The following LRGUK variants were observed in gnomAD, a reference collection of about 807,000 sequenced individuals.
LRGUK encodes the protein leucine rich repeats and guanylate kinase domain containing.
Under a neutral mutation model 76.0 loss-of-function variants are expected in LRGUK, and 65 were observed. The observed-to-expected ratio is 0.85, with a 90% CI of 0.70 to 1.05. The LOEUF (loss-of-function observed/expected upper bound fraction) is 1.05, where lower values mean the gene tolerates loss of function less well. Ranked by LOEUF, LRGUK falls within the 50% of genes least tolerant of loss-of-function variation. LRGUK has a pLI of 0.00. For missense variants in LRGUK, 758 were observed against 732.8 expected (o/e 1.03, Z -0.40); for synonymous variants, 268 against 265.6 (o/e 1.01, Z -0.09).
chr7:134,189,733 C>T (rs1800122424), intron 11 of LRGUK, among the ~76,000 whole-genome samples: 1 of 152,212 alleles, frequency 6.6e-6, no homozygotes, highest in South Asian at 2.1e-4. Flanking sequence ...CTGTCAAGGA[C>T]ACCAATAGAC....
intron 9 of LRGUK, 100 bp downstream of exon 9, chr7:134,177,163 C>A: frequency 1.5e-6 from 1 of 676,722 alleles, no homozygotes; most frequent in South Asian, 1.8e-5. Flanking sequence ...ATAAATAAGA[C>A]ACATAACAAT....
downstream of LRGUK, among the ~76,000 whole-genome samples, chr7:134,267,897 C>T (rs1235454065): frequency 6.6e-6 from 1 of 151,146 alleles, no homozygotes; most frequent in Non-Finnish European, 1.5e-5. Flanking sequence ...TGTAACGAAC[C>T]TGCACAAGTA....
At chr7:134,156,091 ATC>A (rs1798442834) in intron 5 of LRGUK, among the ~76,000 whole-genome samples, 1 of 152,214 alleles carries the variant, frequency 6.6e-6, no homozygotes, top group African/African-American at 2.4e-5. Context: ...GTATAAAAGT[ATC>A]TGTTATTCAA....
chr7:134,201,678 G>A, intron 15 of LRGUK, 102 bp downstream of exon 15: 2 of 764,936 alleles, frequency 2.6e-6, no homozygotes, highest in Non-Finnish European at 4.3e-6. Flanking sequence ...GCTAAAGCTG[G>A]TTCTCTTTTA....
chr7:134,179,665 G>T (rs1016164114), intron 10 of LRGUK, among the ~76,000 whole-genome samples: 1 of 152,154 alleles, frequency 6.6e-6, no homozygotes, highest in Non-Finnish European at 1.5e-5. Context: ...ATGCTTTAGG[G>T]TACGTTTAAA....
At chr7:134,165,512 T>G (rs897750083) in intron 7 of LRGUK, among the ~76,000 whole-genome samples, 2 of 152,214 alleles carry the variant, frequency 1.3e-5, no homozygotes, top group African/African-American at 2.4e-5. Flanking sequence ...AGATGTCATG[T>G]AAAATTCTCC....
At chr7:134,205,291 C>T (rs749427821) in intron 15 of LRGUK, among the ~76,000 whole-genome samples, 10 of 152,184 alleles carry the variant, frequency 6.6e-5, no homozygotes, top group South Asian at 2.1e-4. Flanking sequence ...CTGATTGGTG[C>T]GTTTTACAAT....
At chr7:134,187,078 A>C (rs188023345) in intron 11 of LRGUK, among the ~76,000 whole-genome samples, 54 of 152,278 alleles carry the variant, frequency 3.5e-4, no homozygotes, top group African/African-American at 1.3e-3. Context: ...CGGATAAAAG[A>C]CTATGCATCG....
intron 11 of LRGUK, among the ~76,000 whole-genome samples, chr7:134,185,896 C>A (rs943153014): frequency 4.6e-5 from 7 of 151,822 alleles, no homozygotes; most frequent in African/African-American, 1.7e-4. Flanking sequence ...TTTTAGACAC[C>A]CGAAGTAACA....
At chr7:134,217,769 G>T (rs1585570289) in intron 15 of LRGUK, among the ~76,000 whole-genome samples, 2 of 152,096 alleles carry the variant, frequency 1.3e-5, no homozygotes, top group Admixed American at 6.6e-5. Context: ...AAATTCAATA[G>T]CAGATTATTC....
At chr7:134,147,659 G>A (rs1798031972) in intron 4 of LRGUK, among the ~76,000 whole-genome samples, 1 of 152,144 alleles carries the variant, frequency 6.6e-6, no homozygotes, top group Non-Finnish European at 1.5e-5. Flanking sequence ...AGTGGAGAGC[G>A]TGGCTGCAGG....
chr7:134,231,986 A>G (rs1801913205), intron 16 of LRGUK, among the ~76,000 whole-genome samples: 1 of 149,814 alleles, frequency 6.7e-6, no homozygotes, highest in South Asian at 2.1e-4. Context: ...TACCCATCCT[A>G]TATTTGTTGA....
chr7:134,161,433 A>T (rs1213703430), intron 6 of LRGUK, among the ~76,000 whole-genome samples: 1 of 151,920 alleles, frequency 6.6e-6, no homozygotes, highest in African/African-American at 2.4e-5. Context: ...ATTTATTATG[A>T]TATTTTTCAA....
intron 18 of LRGUK, among the ~76,000 whole-genome samples, chr7:134,256,386 C>T (rs560317059): frequency 1.4e-4 from 21 of 147,994 alleles, no homozygotes; most frequent in Non-Finnish European, 2.7e-4. Context: ...TTGAACCGGG[C>T]AGGCGGAGGT....
intron 15 of LRGUK, among the ~76,000 whole-genome samples, chr7:134,206,375 C>T (rs914388361): frequency 1.3e-5 from 2 of 151,954 alleles, no homozygotes; most frequent in Non-Finnish European, 2.9e-5. Flanking sequence ...ATTAGCTGGG[C>T]GTGGTGGTGC....
chr7:134,161,080 A>AT (rs1215209261), intron 6 of LRGUK, among the ~76,000 whole-genome samples: 9 of 152,180 alleles, frequency 5.9e-5, no homozygotes, highest in African/African-American at 2.2e-4. Context: ...AAGCCATTAG[A>AT]GATACTGTCG....
the LRGUK span, among the ~76,000 whole-genome samples, chr7:134,271,891 C>T: frequency 2.6e-5 from 4 of 152,120 alleles, no homozygotes; most frequent in African/African-American, 7.2e-5. Flanking sequence ...ACAAATAACC[C>T]TGTGTATTAA....
At chr7:134,163,685 G>C (rs1393011216) in intron 7 of LRGUK, 145 bp downstream of exon 7, 1 of 624,476 alleles carries the variant, frequency 1.6e-6, no homozygotes, top group African/African-American at 1.8e-5. Flanking sequence ...AAAATTCCTG[G>C]AGTAGTTGCA....
chr7:134,208,080 G>A (rs564621282), intron 15 of LRGUK, among the ~76,000 whole-genome samples: 3 of 152,244 alleles, frequency 2.0e-5, no homozygotes, highest in South Asian at 2.1e-4. Flanking sequence ...ATGTGAGTGC[G>A]GGAATAGCAG....
Sources: gnomAD v4.1 joint callset for allele counts (sites outside exome capture counted in the v4.1 genomes callset) on GRCh38, gnomAD v4.1.1 for gene constraint, MANE v1.5 for transcripts, NCBI Gene and HGNC (gene_info 2026-07-23, HGNC 2026-07-21) for gene names.